The following PPARG variants were observed in gnomAD, a reference collection of about 807,000 sequenced individuals.
The protein encoded by PPARG is peroxisome proliferator activated receptor gamma, also known as peroxisome proliferator-activated receptor gamma.
Under a neutral mutation model 39.2 loss-of-function variants are expected in PPARG, and 17 were observed. The observed-to-expected ratio is 0.43, with a 90% confidence interval of 0.30 to 0.65. The LOEUF is 0.65. PPARG is among the 30% of genes least tolerant of loss of function. PPARG has a pLI of 0.13. For synonymous variants in PPARG, 223 were observed against 215.7 expected, an observed-to-expected ratio of 1.03 and a Z score of -0.30; for missense variants, 406 against 585.9, an observed-to-expected ratio of 0.69 and a Z score of 3.17.
intron 2 of PPARG, among the ~76,000 whole-genome samples, chr3:12,314,179 A>C (rs1257046002): frequency 6.6e-6 from 1 of 152,184 alleles, no homozygotes; most frequent in Non-Finnish European, 1.5e-5. Context: ...TGGGAGGCTG[A>C]GGCATGAGAA....
chr3:12,329,962 C>T (rs1000866379), intron 2 of PPARG, among the ~76,000 whole-genome samples: 5 of 152,196 alleles, frequency 3.3e-5, no homozygotes, highest in African/African-American at 1.2e-4. Flanking sequence ...TAGCATGTAT[C>T]AGAATGCCAT....
intron 5 of PPARG, among the ~76,000 whole-genome samples, chr3:12,397,938 T>A (rs1056287621): frequency 2.6e-5 from 4 of 152,086 alleles, no homozygotes; most frequent in Non-Finnish European, 4.4e-5. Context: ...ACCCTGCATT[T>A]TGCTGTTCCT....
chr3:12,388,776 A>G (rs760381428), intron 4 of PPARG, among the ~76,000 whole-genome samples: 3 of 152,226 alleles, frequency 2.0e-5, no homozygotes, highest in Non-Finnish European at 4.4e-5. Flanking sequence ...AATTATTTAA[A>G]GGAAGAGGGC....
At chr3:12,306,093 G>C (rs2047055845) in intron 1 of PPARG, 1 of 152,210 alleles carries the variant, frequency 6.6e-6, no homozygotes, top group Admixed American at 6.5e-5. Context: ...ACCAGGGACT[G>C]GTTTCATGGA....
At chr3:12,295,325 A>T (rs1574939147) in intron 1 of PPARG, among the ~76,000 whole-genome samples, 1 of 152,214 alleles carries the variant, frequency 6.6e-6, no homozygotes, top group Non-Finnish European at 1.5e-5. Flanking sequence ...AATGAAGTAG[A>T]AACTTCAAAA....
chr3:12,312,184 A>AT (rs1471786317), intron 1 of PPARG, among the ~76,000 whole-genome samples, 196 bp from the exon 2 acceptor site: 1 of 152,254 alleles, frequency 6.6e-6, no homozygotes, highest in African/African-American at 2.4e-5. Flanking sequence ...ATGATGAATC[A>AT]TTTTGTGGTC....
intron 2 of PPARG, among the ~76,000 whole-genome samples, chr3:12,339,942 T>TC (rs1482362420): frequency 6.6e-6 from 1 of 152,244 alleles, no homozygotes; most frequent in African/African-American, 2.4e-5. Context: ...CATAGGTCTT[T>TC]CAGGTACACA....
At chr3:12,377,505 G>A (rs1186181342) in intron 2 of PPARG, among the ~76,000 whole-genome samples, 1 of 152,008 alleles carries the variant, frequency 6.6e-6, no homozygotes, top group Admixed American at 6.6e-5. Flanking sequence ...ATAATTGAGT[G>A]ATTTTTCCCT....
chr3:12,376,227 G>A (rs967449075), intron 2 of PPARG, among the ~76,000 whole-genome samples: 2 of 152,076 alleles, frequency 1.3e-5, no homozygotes, highest in Non-Finnish European at 2.9e-5. Flanking sequence ...GGAATTACAG[G>A]TGTGAGCCAC....
At chr3:12,299,957 G>A (rs2046886628) in intron 1 of PPARG, among the ~76,000 whole-genome samples, 1 of 152,218 alleles carries the variant, frequency 6.6e-6, no homozygotes, top group Non-Finnish European at 1.5e-5. Flanking sequence ...TTCAATGTCT[G>A]TATTCACAAA....
intron 6 of PPARG, among the ~76,000 whole-genome samples, chr3:12,415,374 C>A (rs1419197972): frequency 6.6e-6 from 1 of 152,158 alleles, no homozygotes; most frequent in Non-Finnish European, 1.5e-5. Flanking sequence ...ACACACATAC[C>A]CTCAGCTCTT....
intron 7 of PPARG, among the ~76,000 whole-genome samples, chr3:12,417,888 C>CTTTTTTTTTTTT (rs1240237792): frequency 9.4e-5 from 6 of 64,064 alleles, no homozygotes; most frequent in Non-Finnish European, 1.5e-4. Flanking sequence ...TTTTTTTTTT[C>CTTTTTTTTTTTT]TTTTTTTTTT....
intron 2 of PPARG, among the ~76,000 whole-genome samples, chr3:12,328,807 A>G (rs2047766627): frequency 6.6e-6 from 1 of 152,258 alleles, no homozygotes; most frequent in African/African-American, 2.4e-5. Context: ...CAGAAGAGGA[A>G]GAAAGAACAG....
At chr3:12,292,193 A>G (rs374783207) in intron 1 of PPARG, among the ~76,000 whole-genome samples, 2 of 152,198 alleles carry the variant, frequency 1.3e-5, no homozygotes, top group East Asian at 3.8e-4. Flanking sequence ...CCATTCCCTG[A>G]TGACTTTGGA....
intron 1 of PPARG, among the ~76,000 whole-genome samples, chr3:12,304,726 G>C (rs1016227375): frequency 6.6e-6 from 1 of 152,202 alleles, no homozygotes; most frequent in Non-Finnish European, 1.5e-5. Flanking sequence ...GAATGAATGT[G>C]AGGTGAGGGC....
chr3:12,288,766 T>TGCCTCCGC (rs1339368178), upstream of PPARG: 4 of 152,088 alleles, frequency 2.6e-5, no homozygotes, highest in Non-Finnish European at 5.9e-5. Context: ...GGTGCCTCCG[T>TGCCTCCGC]GCCTCCGCGG....
At chr3:12,411,563 A>G (rs904876493) in intron 6 of PPARG, among the ~76,000 whole-genome samples, 12 of 152,202 alleles carry the variant, frequency 7.9e-5, no homozygotes, top group African/African-American at 2.4e-4. Context: ...GAAGTGGGGA[A>G]GTCCTATAGA....
rs1468116421 is a variant in PPARG, at chr3:12,324,540, T to G, written c.-9+12087T>G. The stretch of plus-strand genomic sequence containing the variant: ...GACCCAAATCAAGTCACTTTCCCTC[T>G]TCAGGCCTCAGTTTTCCCATATGTT... On this transcript the variant is annotated intron_variant, in intron 2 of 7. Transcript: ENST00000651735. Among the ~76,000 whole-genome samples the G allele has an allele frequency of 2.6e-5, 4 of 152,302 alleles. No individual in the cohort carries two copies. In the East Asian group the frequency reaches 7.7e-4, roughly 29 times the overall value.
upstream of PPARG, chr3:12,287,452 A>G (rs2124906656): frequency 6.6e-6 from 1 of 152,360 alleles, no homozygotes; most frequent in African/African-American, 2.4e-5. Context: ...TGCTTTAATT[A>G]AATTTTCTTT....
Sources: gnomAD v4.1 joint callset for allele counts (sites outside exome capture counted in the v4.1 genomes callset) on GRCh38, gnomAD v4.1.1 for gene constraint, MANE v1.5 for transcripts, NCBI Gene and HGNC (gene_info 2026-07-23, HGNC 2026-07-21) for gene names.